The following ABI2 variants were observed in gnomAD, a reference collection of about 807,000 sequenced individuals.
ABI2 encodes the protein abl interactor 2.
In ABI2, 25 loss-of-function variants were observed where a neutral mutation model predicts 59.2. That is an observed-to-expected ratio of 0.42 (90% confidence interval 0.31 to 0.59). ABI2 has a LOEUF of 0.59. Ranked by LOEUF, ABI2 falls within the 20% of genes least tolerant of loss-of-function variation. The pLI is 0.14. For synonymous variants in ABI2, 213 were observed against 235.5 expected, an observed-to-expected ratio of 0.90 and a Z score of 0.87; for missense variants, 545 against 681.8, an observed-to-expected ratio of 0.80 and a Z score of 2.23.
At chr2:203,334,045 A>T (rs139430526) in intron 1 of ABI2, among the ~76,000 whole-genome samples, 1 of 151,466 alleles carries the variant, frequency 6.6e-6, no homozygotes, top group Non-Finnish European at 1.5e-5. Flanking sequence ...GGTTCAAGCA[A>T]TTCTCCTGCT....
At chr2:203,366,295 G>A (rs2152992659) in intron 1 of ABI2, among the ~76,000 whole-genome samples, 1 of 151,808 alleles carries the variant, frequency 6.6e-6, no homozygotes, top group East Asian at 1.9e-4. Flanking sequence ...CATCTTTTAG[G>A]GTTATAACAC....
intron 11 of ABI2, among the ~76,000 whole-genome samples, chr2:203,418,701 A>G (rs534931219): frequency 6.6e-6 from 1 of 152,382 alleles, no homozygotes. Context: ...TTTTCTGTTC[A>G]TTAAAGCAAG....
At chr2:203,387,737 C>G (rs956747102) in intron 4 of ABI2, among the ~76,000 whole-genome samples, 4 of 152,140 alleles carry the variant, frequency 2.6e-5, no homozygotes, top group Non-Finnish European at 4.4e-5. Flanking sequence ...GATGATAGTT[C>G]TGCTATGTTT....
intron 2 of ABI2, among the ~76,000 whole-genome samples, chr2:203,368,818 A>AC (rs1553559557): frequency 2.1e-5 from 3 of 143,464 alleles, no homozygotes; most frequent in African/African-American, 5.1e-5. Context: ...AAATAGATGA[A>AC]TTTTTTTTTT....
At chr2:203,398,964 A>AT (rs1401400608) in intron 8 of ABI2, among the ~76,000 whole-genome samples, 4 of 151,954 alleles carry the variant, frequency 2.6e-5, no homozygotes, top group African/African-American at 7.3e-5. Context: ...GGACATTTAG[A>AT]TTTTTCTAGT....
At chr2:203,402,903 T>G (rs996880651) in intron 9 of ABI2, among the ~76,000 whole-genome samples, 169 bp downstream of exon 9, 1 of 152,208 alleles carries the variant, frequency 6.6e-6, no homozygotes, top group Non-Finnish European at 1.5e-5. Context: ...TTTCAATTCT[T>G]TAAAAAAAAA....
chr2:203,336,248 T>C (rs2076386604), intron 1 of ABI2, among the ~76,000 whole-genome samples: 1 of 152,218 alleles, frequency 6.6e-6, no homozygotes, highest in African/African-American at 2.4e-5. Context: ...GTGGTGAATA[T>C]GGCTGTAAAC....
chr2:203,342,363 A>G (rs932909867), intron 1 of ABI2: 2 of 351,866 alleles, frequency 5.7e-6, no homozygotes, highest in African/African-American at 4.3e-5. Flanking sequence ...TCTTGATGTT[A>G]TGTGGCCTTA....
At chr2:203,416,806 T>C in intron 10 of ABI2, 102 bp from the exon 11 acceptor site, 3 of 1,226,498 alleles carry the variant, frequency 2.4e-6, no homozygotes, top group Admixed American at 2.7e-5. Context: ...ATTACATTTA[T>C]TTTCAAGTCT....
intron 8 of ABI2, among the ~76,000 whole-genome samples, chr2:203,401,542 C>T (rs980925295): frequency 2.4e-4 from 36 of 152,262 alleles, no homozygotes; most frequent in African/African-American, 7.9e-4. Context: ...CTCCAGTTGA[C>T]ATTAGCTGTG....
At chr2:203,343,693 A>C (rs981608500) in intron 1 of ABI2, among the ~76,000 whole-genome samples, 7 of 152,162 alleles carry the variant, frequency 4.6e-5, no homozygotes, top group African/African-American at 7.2e-5. Flanking sequence ...TCTCTGATTG[A>C]GATTGGTTTA....
rs367582312 is a variant in ABI2, at chr2:203,350,232, A to G, written c.118-16645A>G. ...GCTGGGATTATGGGTGTGCATTACTATGCCCGGCTAATTCTCGTATTTTTA... is the reference window on the plus strand; with the variant it reads ...GCTGGGATTATGGGTGTGCATTACTGTGCCCGGCTAATTCTCGTATTTTTA... On this transcript the variant is annotated intron_variant, in intron 1 of 11. Coordinates refer to ENST00000261018, the MANE Select transcript of ABI2 (RefSeq NM_001375670.1). 2.0e-4 allele frequency among the ~76,000 whole-genome samples: 30 copies of G among 152,234 alleles called. No homozygotes were observed. The South Asian group carries it at 6.0e-3, about 31-fold the overall frequency.
chr2:203,354,943 ATTGTCTTCTAATATCAG>A (rs1205996444), intron 1 of ABI2, among the ~76,000 whole-genome samples: 3 of 152,156 alleles, frequency 2.0e-5, no homozygotes, highest in Admixed American at 6.5e-5. Context: ...CCTATGGAAA[ATTGTCTTCTAATATCAG>A]TTTCATCCAT....
At chr2:203,383,549 A>G (rs568232758) in intron 4 of ABI2, among the ~76,000 whole-genome samples, 1 of 152,334 alleles carries the variant, frequency 6.6e-6, no homozygotes, top group South Asian at 2.1e-4. Context: ...AGTTTAGACT[A>G]GCTTGCCCAA....
intron 9 of ABI2, among the ~76,000 whole-genome samples, chr2:203,404,752 T>G (rs1279067452): frequency 1.3e-5 from 2 of 152,152 alleles, no homozygotes; most frequent in African/African-American, 4.8e-5. Context: ...AGAGACAGGG[T>G]TTCACCATAT....
chr2:203,331,182 TG>T (rs1455589112), intron 1 of ABI2, among the ~76,000 whole-genome samples: 2 of 152,002 alleles, frequency 1.3e-5, no homozygotes, highest in Non-Finnish European at 2.9e-5. Flanking sequence ...AGCTCTTATA[TG>T]ATTTGTTGAT....
In ABI2 at chr2:203,428,737, G is replaced by A. The variant is rs1334462457; in HGVS notation, c.*1385G>A. ...TGCTGAAAAAAATCCAGGAGGGCTTGTCTCTTTGTGGGTGGTCACTGTGAT... is the reference window on the plus strand; with the variant it reads ...TGCTGAAAAAAATCCAGGAGGGCTTATCTCTTTGTGGGTGGTCACTGTGAT... On this transcript the variant is annotated 3_prime_UTR_variant, in exon 12 of 12. Coordinates refer to ENST00000261018, the MANE Select transcript of ABI2 (RefSeq NM_001375670.1). 6.6e-6 allele frequency: 1 copy of A among 152,218 alleles called. No individual in the cohort carries two copies. Among genetic ancestry groups the A allele is most frequent in the African/African-American group, 2.4e-5 (1 of 41,430 alleles). 9.4% of individuals were successfully genotyped at this position (152,218 alleles called of 1,614,324 possible).
intron 1 of ABI2, among the ~76,000 whole-genome samples, chr2:203,331,126 A>G (rs1283181402): frequency 6.6e-6 from 1 of 152,016 alleles, no homozygotes; most frequent in Non-Finnish European, 1.5e-5. Flanking sequence ...ATTATCATTT[A>G]TTTTAGGATG....
intron 5 of ABI2, among the ~76,000 whole-genome samples, chr2:203,393,371 A>G (rs1281928048): frequency 6.6e-6 from 1 of 152,210 alleles, no homozygotes; most frequent in Non-Finnish European, 1.5e-5. Context: ...AAACATTTTT[A>G]TTGCCTGGGA....
Sources: gnomAD v4.1 joint callset for allele counts (sites outside exome capture counted in the v4.1 genomes callset) on GRCh38, gnomAD v4.1.1 for gene constraint, MANE v1.5 for transcripts, NCBI Gene and HGNC (gene_info 2026-07-23, HGNC 2026-07-21) for gene names.